The following SH3GL2 variants were observed in gnomAD, a reference collection of about 807,000 sequenced individuals.
SH3GL2 encodes the protein endophilin-A1.
SH3GL2 carries 24 observed loss-of-function variants against 46.0 expected under a neutral mutation model. The observed-to-expected ratio is 0.52, with a 90% confidence interval of 0.38 to 0.73. The LOEUF (loss-of-function observed/expected upper bound fraction) is 0.73, where lower values mean the gene tolerates loss of function less well. Among genes scored for constraint, SH3GL2 ranks in the 30% least tolerant of loss-of-function variants. The probability of loss-of-function intolerance (pLI) is 0.00; values close to 1 mark genes in which losing one functional copy is unlikely to be tolerated. For synonymous variants in SH3GL2, 196 were observed against 147.1 expected, an observed-to-expected ratio of 1.33 and a Z score of -2.40; for missense variants, 413 against 424.2, an observed-to-expected ratio of 0.97 and a Z score of 0.23.
intron 2 of SH3GL2, chr9:17,755,746 CT>C: frequency 1.0e-6 from 1 of 982,642 alleles, no homozygotes; most frequent in Non-Finnish European, 1.2e-6. Flanking sequence ...TCTTTCAGTC[CT>C]TTTGTTGCTC....
chr9:17,750,950 T>G (rs1322616734), intron 2 of SH3GL2, among the ~76,000 whole-genome samples: 1 of 152,336 alleles, frequency 6.6e-6, no homozygotes, highest in East Asian at 1.9e-4. Context: ...CATGGAATAT[T>G]CAGGCTGGGT....
intron 1 of SH3GL2, among the ~76,000 whole-genome samples, chr9:17,665,436 C>T (rs759544571): frequency 6.6e-5 from 10 of 152,042 alleles, no homozygotes; most frequent in Non-Finnish European, 1.3e-4. Context: ...TGAGTACAGG[C>T]AAATTATTTT....
intron 1 of SH3GL2, among the ~76,000 whole-genome samples, chr9:17,725,167 C>T (rs1588275830): frequency 6.6e-6 from 1 of 152,070 alleles, no homozygotes; most frequent in South Asian, 2.1e-4. Context: ...TGCTTAAGCC[C>T]CTCAAGTTAG....
At chr9:17,659,693 G>A (rs1269199462) in intron 1 of SH3GL2, among the ~76,000 whole-genome samples, 2 of 152,112 alleles carry the variant, frequency 1.3e-5, no homozygotes, top group African/African-American at 4.8e-5. Context: ...TTCATCAGAT[G>A]TGGCTCAGAA....
At chr9:17,760,109 A>G (rs929581566) in intron 2 of SH3GL2, among the ~76,000 whole-genome samples, 1 of 152,148 alleles carries the variant, frequency 6.6e-6, no homozygotes, top group African/African-American at 2.4e-5. Flanking sequence ...GCTAATCACT[A>G]CCTGGTACAC....
chr9:17,629,497 C>A (rs1045328050), intron 1 of SH3GL2, among the ~76,000 whole-genome samples: 1 of 152,082 alleles, frequency 6.6e-6, no homozygotes, highest in East Asian at 1.9e-4. Flanking sequence ...TCATAACATT[C>A]TTCCAAAAAA....
chr9:17,766,394 A>T (rs10810850), intron 3 of SH3GL2, among the ~76,000 whole-genome samples: 23,436 of 152,250 alleles, frequency 0.15, 2,305 homozygotes, highest in Middle Eastern at 0.26. Flanking sequence ...ATTCCATTCT[A>T]CTGGTTGTAA....
intron 1 of SH3GL2, among the ~76,000 whole-genome samples, chr9:17,679,617 T>C (rs1820713245): frequency 6.6e-6 from 1 of 152,168 alleles, no homozygotes; most frequent in Non-Finnish European, 1.5e-5. Flanking sequence ...GAATACCCTT[T>C]ATTTCTTTCT....
chr9:17,623,057 C>CTTT (rs1819191916), intron 1 of SH3GL2, among the ~76,000 whole-genome samples: 10 of 63,194 alleles, frequency 1.6e-4, no homozygotes, highest in South Asian at 8.0e-4. Context: ...CTTCCCCTTC[C>CTTT]CCTTCCCCTT....
intron 1 of SH3GL2, among the ~76,000 whole-genome samples, chr9:17,669,539 G>T (rs1441594201): frequency 2.6e-5 from 4 of 152,150 alleles, no homozygotes; most frequent in Non-Finnish European, 4.4e-5. Flanking sequence ...AATCCTTAGG[G>T]ATTGGCTTAA....
chr9:17,623,218 A>G (rs1191961413), intron 1 of SH3GL2, among the ~76,000 whole-genome samples: 1 of 151,842 alleles, frequency 6.6e-6, no homozygotes, highest in Non-Finnish European at 1.5e-5. Flanking sequence ...GAGGGATGAG[A>G]AGTTAGTCTC....
At chr9:17,756,885 C>A (rs2131144784) in intron 2 of SH3GL2, among the ~76,000 whole-genome samples, 1 of 152,202 alleles carries the variant, frequency 6.6e-6, no homozygotes, top group South Asian at 2.1e-4. Flanking sequence ...GTTCTAGATC[C>A]CTGAGGAATT....
intron 1 of SH3GL2, among the ~76,000 whole-genome samples, chr9:17,593,510 A>ATC (rs894976484): frequency 1.3e-5 from 2 of 152,154 alleles, no homozygotes; most frequent in African/African-American, 4.8e-5. Flanking sequence ...GTATATATAT[A>ATC]ATAGGAGAAA....
intron 1 of SH3GL2, among the ~76,000 whole-genome samples, chr9:17,720,096 A>G (rs1821857486): frequency 6.6e-6 from 1 of 152,056 alleles, no homozygotes; most frequent in African/African-American, 2.4e-5. Context: ...AGGAAGAAAG[A>G]TGTTTACTTT....
chr9:17,655,271 CAAAT>C (rs1820047574), intron 1 of SH3GL2, among the ~76,000 whole-genome samples: 1 of 152,146 alleles, frequency 6.6e-6, no homozygotes, highest in Non-Finnish European at 1.5e-5. Flanking sequence ...CTTCCTTTCT[CAAAT>C]AACCCCAGAA....
At chr9:17,595,828 G>A (rs955814005) in intron 1 of SH3GL2, among the ~76,000 whole-genome samples, 3 of 152,108 alleles carry the variant, frequency 2.0e-5, no homozygotes, top group Non-Finnish European at 2.9e-5. Context: ...AGCTATGATG[G>A]TAGCTAAAAT....
chr9:17,784,592 C>A (rs943029072), intron 3 of SH3GL2, among the ~76,000 whole-genome samples: 7 of 152,300 alleles, frequency 4.6e-5, no homozygotes, highest in African/African-American at 1.7e-4. Context: ...CTTGTTGCCA[C>A]TGTTTATCTT....
At chr9:17,662,263 T>G (rs1385346105) in intron 1 of SH3GL2, among the ~76,000 whole-genome samples, 1 of 152,216 alleles carries the variant, frequency 6.6e-6, no homozygotes, top group East Asian at 1.9e-4. Context: ...GAGATGAGTT[T>G]TTACCATTAA....
intron 1 of SH3GL2, among the ~76,000 whole-genome samples, chr9:17,607,677 AT>A (rs1818785449): frequency 6.6e-6 from 1 of 152,152 alleles, no homozygotes; most frequent in African/African-American, 2.4e-5. Context: ...TTCTGTATAT[AT>A]TTACATCATA....
Sources: allele counts gnomAD v4.1 joint callset (sites outside exome capture counted in the v4.1 genomes callset), GRCh38; gene constraint gnomAD v4.1.1; transcripts MANE v1.5; gene names NCBI Gene and HGNC (gene_info 2026-07-23, HGNC 2026-07-21).